Variants in PPARGC1A observed in about 807,000 individuals in gnomAD.
PPARGC1A encodes PPARG coactivator 1 alpha, also known as peroxisome proliferator-activated receptor gamma coactivator 1-alpha.
In PPARGC1A, 25 loss-of-function variants were observed where a neutral mutation model predicts 88.7. The ratio of observed to expected loss-of-function variants is 0.28; its 90% confidence interval spans 0.21 to 0.39. PPARGC1A has a LOEUF of 0.39. PPARGC1A is among the 10% of genes least tolerant of loss of function. PPARGC1A has a pLI of 1.00. For missense variants in PPARGC1A, 880 were observed against 968.7 expected (o/e 0.91, Z 1.22); for synonymous variants, 363 against 355.6 (o/e 1.02, Z -0.24).
chr4:23,901,558 GAAAAGAA>G (rs1298372223), upstream of PPARGC1A, among the ~76,000 whole-genome samples: 9 of 148,484 alleles, frequency 6.1e-5, no homozygotes, highest in Non-Finnish European at 1.0e-4. Context: ...AAAAAAAAAA[GAAAAGAA>G]AAAAGAAAAG....
At chr4:24,361,352 G>C in the PPARGC1A span, among the ~76,000 whole-genome samples, 1 of 152,276 alleles carries the variant, frequency 6.6e-6, no homozygotes, top group Non-Finnish European at 1.5e-5. Flanking sequence ...TTACCTCTTA[G>C]AGTCAAACTG....
the PPARGC1A span, among the ~76,000 whole-genome samples, chr4:24,314,425 C>A: frequency 1.3e-5 from 2 of 152,306 alleles, no homozygotes; most frequent in East Asian, 1.9e-4. Context: ...TCTGTCCTTT[C>A]TGTCATGGGA....
At chr4:23,927,032 T>A in the PPARGC1A span, among the ~76,000 whole-genome samples, 2 of 152,216 alleles carry the variant, frequency 1.3e-5, no homozygotes, top group Admixed American at 1.3e-4. Context: ...AAATCCATTG[T>A]AAGTCATAAA....
At chr4:24,361,657 A>G in the PPARGC1A span, among the ~76,000 whole-genome samples, 474 of 152,374 alleles carry the variant, frequency 3.1e-3, 6 homozygotes, top group African/African-American at 0.011. Flanking sequence ...AAAACTCAAC[A>G]GGAAAAATCT....
the PPARGC1A span, among the ~76,000 whole-genome samples, chr4:24,350,162 G>T: frequency 6.6e-6 from 1 of 152,214 alleles, no homozygotes; most frequent in East Asian, 1.9e-4. Context: ...TGTCTCCCAG[G>T]AGCAGTCTGC....
At chr4:23,980,181 C>T in the PPARGC1A span, among the ~76,000 whole-genome samples, 1 of 88,328 alleles carries the variant, frequency 1.1e-5, no homozygotes, top group Non-Finnish European at 2.2e-5. Context: ...AAACTCCCAG[C>T]CAGCAAAAAA....
At position 23,814,364 on chromosome 4, in the gene PPARGC1A, G is replaced by C. The variant is rs1254526390; in HGVS notation, c.1119C>G (p.Thr373=). The C allele has an allele frequency of 3.7e-6, 6 of 1,613,826 alleles. No homozygotes were observed. Among genetic ancestry groups the C allele is most frequent in the Non-Finnish European group, 5.1e-6 (6 of 1,179,992 alleles). ...CAAACAGCCGCAGACTGGGCCGCTTGGTCTTCCTTTCCTCGTGTCCACCAG... is the reference window on the plus strand; with the variant it reads ...CAAACAGCCGCAGACTGGGCCGCTTCGTCTTCCTTTCCTCGTGTCCACCAG... ...VLTGGHEERK[T]KRPSLRLFGD... is the part of the protein sequence containing the mutation. The change falls in exon 8 of 13, where the codon ACC becomes ACG. Residue 373 remains threonine, a synonymous_variant. Coordinates refer to ENST00000264867, the MANE Select transcript of PPARGC1A (RefSeq NM_013261.5).
chr4:24,183,182 C>A, the PPARGC1A span, among the ~76,000 whole-genome samples: 2 of 152,282 alleles, frequency 1.3e-5, no homozygotes, highest in East Asian at 3.9e-4. Context: ...ATAGCTGGTG[C>A]AATAACACAA....
At chr4:24,045,989 A>G in the PPARGC1A span, among the ~76,000 whole-genome samples, 1 of 152,194 alleles carries the variant, frequency 6.6e-6, no homozygotes, top group Non-Finnish European at 1.5e-5. Context: ...GCCAAACACA[A>G]TTCCTACCAC....
chr4:24,127,368 A>G, the PPARGC1A span, among the ~76,000 whole-genome samples: 6 of 152,048 alleles, frequency 3.9e-5, no homozygotes, highest in Non-Finnish European at 7.4e-5. Flanking sequence ...GCCATAAGCC[A>G]TAGTATCAAG....
the PPARGC1A span, among the ~76,000 whole-genome samples, chr4:24,179,155 G>C: frequency 6.6e-6 from 1 of 152,170 alleles, no homozygotes; most frequent in South Asian, 2.1e-4. Context: ...AGTTGCAACT[G>C]TGAGAGCTGA....
At chr4:24,394,845 G>A in the PPARGC1A span, among the ~76,000 whole-genome samples, 4 of 152,100 alleles carry the variant, frequency 2.6e-5, no homozygotes, top group Non-Finnish European at 4.4e-5. Flanking sequence ...TAAAATGTGG[G>A]GGAAAAAATG....
the PPARGC1A span, among the ~76,000 whole-genome samples, chr4:24,421,373 C>A: frequency 6.7e-6 from 1 of 149,770 alleles, no homozygotes; most frequent in African/African-American, 2.5e-5. Context: ...TGCAGTGGCG[C>A]GATTTCAGCT....
intron 5 of PPARGC1A, among the ~76,000 whole-genome samples, chr4:23,827,960 G>A (rs967584406): frequency 2.0e-5 from 3 of 152,104 alleles, no homozygotes; most frequent in African/African-American, 7.2e-5. Context: ...GTAATCAAGA[G>A]AGGCTGCATA....
chr4:23,967,322 C>T, the PPARGC1A span, among the ~76,000 whole-genome samples: 1 of 152,166 alleles, frequency 6.6e-6, no homozygotes, highest in Non-Finnish European at 1.5e-5. Context: ...ATGTTAATTT[C>T]TATGTCCCCG....
At chr4:23,942,231 A>G in the PPARGC1A span, among the ~76,000 whole-genome samples, 10 of 152,352 alleles carry the variant, frequency 6.6e-5, 1 homozygote, top group East Asian at 1.9e-3. Flanking sequence ...AGCAGGGAGT[A>G]ATACACAGGA....
chr4:24,128,585 C>G, the PPARGC1A span, among the ~76,000 whole-genome samples: 2 of 138,272 alleles, frequency 1.4e-5, no homozygotes, highest in African/African-American at 5.5e-5. Context: ...TGTGTGCACG[C>G]GCATCTGTGT....
chr4:24,317,206 T>G, the PPARGC1A span, among the ~76,000 whole-genome samples: 1 of 152,080 alleles, frequency 6.6e-6, no homozygotes, highest in African/African-American at 2.4e-5. Context: ...TATTTATTCA[T>G]GTGTTCATTC....
At chr4:24,242,177 C>T in the PPARGC1A span, among the ~76,000 whole-genome samples, 1 of 152,194 alleles carries the variant, frequency 6.6e-6, no homozygotes, top group Non-Finnish European at 1.5e-5. Flanking sequence ...CACACCACAG[C>T]CGAGTGACAG....
Sources: gnomAD v4.1 joint callset for allele counts (sites outside exome capture counted in the v4.1 genomes callset) on GRCh38, gnomAD v4.1.1 for gene constraint, MANE v1.5 for transcripts, NCBI Gene and HGNC (gene_info 2026-07-23, HGNC 2026-07-21) for gene names.